The following LRP1B variants were observed in gnomAD, a reference collection of about 807,000 sequenced individuals.
LRP1B encodes LDL receptor related protein 1B.
LRP1B carries 217 observed loss-of-function variants against 556.6 expected under a neutral mutation model. The ratio of observed to expected loss-of-function variants is 0.39; its 90% CI spans 0.35 to 0.44. The LOEUF is 0.44. Among genes scored for constraint, LRP1B ranks in the 20% least tolerant of loss-of-function variants. LRP1B has a pLI of 1.00. For synonymous variants in LRP1B, 2,047 were observed against 1,865.8 expected, an observed-to-expected ratio of 1.10 and a Z score of -2.50; for missense variants, 5,053 against 5,620.8, an observed-to-expected ratio of 0.90 and a Z score of 3.23.
At chr2:141,540,165 T>C (rs1427814609) in intron 2 of LRP1B, among the ~76,000 whole-genome samples, 1 of 152,062 alleles carries the variant, frequency 6.6e-6, no homozygotes, top group Admixed American at 6.6e-5. Context: ...AGATGGAGAA[T>C]TTGAGATTGA....
chr2:141,184,876 C>A (rs1326108572), intron 7 of LRP1B, among the ~76,000 whole-genome samples: 1 of 151,058 alleles, frequency 6.6e-6, no homozygotes, highest in Non-Finnish European at 1.5e-5. Flanking sequence ...CATTTTTTTT[C>A]TTATTTTCTC....
chr2:141,169,335 T>TAAAG (rs529487387), intron 7 of LRP1B, among the ~76,000 whole-genome samples: 51 of 128,508 alleles, frequency 4.0e-4, no homozygotes, highest in African/African-American at 1.3e-3. Flanking sequence ...AATAAATAAA[T>TAAAG]AAAGAAGAGA....
Position 141,288,441 on chromosome 2 carries a change from G to C in LRP1B, c.344-33800C>G, listed in dbSNP as rs150939188. On this transcript the variant is annotated intron_variant, in intron 3 of 90. Coordinates refer to ENST00000389484, the MANE Select transcript of LRP1B (RefSeq NM_018557.3). The stretch of plus-strand genomic sequence containing the variant: ...TCTATTAAAATTCCAAATAAGTAAA[G>C]TGAGACAAGAAAACACAAGAGAAAA... 3.4e-3 allele frequency among the ~76,000 whole-genome samples: 514 copies of C among 152,054 alleles called. 3 individuals are homozygous for C. Among genetic ancestry groups the C allele is most frequent in the African/African-American group, 0.012 (489 of 41,494 alleles).
intron 72 of LRP1B, among the ~76,000 whole-genome samples, chr2:140,364,330 C>G (rs1352089587): frequency 1.3e-5 from 2 of 151,392 alleles, no homozygotes; most frequent in African/African-American, 2.4e-5. Flanking sequence ...TTAACCTAAA[C>G]TCCAATTTGA....
chr2:141,923,631 C>T (rs780445790), intron 1 of LRP1B, among the ~76,000 whole-genome samples: 2 of 150,898 alleles, frequency 1.3e-5, no homozygotes, highest in Non-Finnish European at 2.9e-5. Context: ...AGCATACATT[C>T]TTTAAGAGTA....
At chr2:141,765,187 AGATCC>A (rs1694695697) in intron 2 of LRP1B, among the ~76,000 whole-genome samples, 1 of 152,246 alleles carries the variant, frequency 6.6e-6, no homozygotes, top group East Asian at 1.9e-4. Context: ...AGAGAAGCAG[AGATCC>A]GTAAACAGTG....
intron 84 of LRP1B, among the ~76,000 whole-genome samples, chr2:140,291,320 T>TATATATATATATATATATATAGATATATA (rs745524571): frequency 1.9e-5 from 1 of 51,856 alleles, no homozygotes; most frequent in Admixed American, 2.7e-4. Flanking sequence ...ATATATATAT[T>TATATATATATATATATATATAGATATATA]TTTATTATAC....
intron 7 of LRP1B, among the ~76,000 whole-genome samples, chr2:141,149,962 A>G (rs1246058734): frequency 1.3e-5 from 2 of 152,188 alleles, no homozygotes; most frequent in East Asian, 1.9e-4. Flanking sequence ...GTCTCTCACA[A>G]ATCTATTTAG....
At position 140,636,294 on chromosome 2, in the gene LRP1B, A is replaced by T. The variant is rs936163880; in HGVS notation, c.6800-34655T>A. ...CCCGTGGTAGATTATGTATAGTAGC[A>T]TGGCATGCATTATACAATTAATTCA... is the stretch of plus-strand genomic sequence containing the variant. On this transcript the variant is annotated intron_variant, in intron 41 of 90. Transcript: ENST00000389484. Among the ~76,000 whole-genome samples the T allele has an allele frequency of 2.6e-5, 4 of 152,144 alleles. No individual in the cohort carries two copies. The East Asian group carries it at 7.7e-4, about 29-fold the overall frequency.
At chr2:141,263,473 T>G (rs1684775409) in intron 3 of LRP1B, among the ~76,000 whole-genome samples, 1 of 152,034 alleles carries the variant, frequency 6.6e-6, no homozygotes, top group African/African-American at 2.4e-5. Context: ...AAACATATAA[T>G]CTGAATATCC....
At chr2:141,233,170 T>C (rs1683533624) in intron 5 of LRP1B, among the ~76,000 whole-genome samples, 1 of 152,220 alleles carries the variant, frequency 6.6e-6, no homozygotes, top group African/African-American at 2.4e-5. Flanking sequence ...GTCAAAGGGA[T>C]ACCTGTGTCA....
At position 141,798,572 on chromosome 2, in the gene LRP1B, T is replaced by G. The variant is rs570079003; in HGVS notation, c.205+11707A>C. On this transcript the variant is annotated intron_variant, in intron 2 of 90. Coordinates refer to ENST00000389484, the MANE Select transcript of LRP1B (RefSeq NM_018557.3). ...AAATACAAAAATTAGCTGGGCGTGG[T>G]GGTGGGTGCCTGTAGTCCCAGCTAC... 6.6e-5 allele frequency among the ~76,000 whole-genome samples: 10 copies of G among 151,476 alleles called. No individual in the cohort carries two copies. The South Asian group carries it at 2.1e-3, about 32-fold the overall frequency.
At chr2:140,493,072 A>G (rs1416101874) in intron 56 of LRP1B, among the ~76,000 whole-genome samples, 1 of 152,208 alleles carries the variant, frequency 6.6e-6, no homozygotes, top group African/African-American at 2.4e-5. Flanking sequence ...TCTTATGATC[A>G]GAAATTTTTT....
chr2:141,289,478 A>C (rs1685860600), intron 3 of LRP1B, among the ~76,000 whole-genome samples: 1 of 151,872 alleles, frequency 6.6e-6, no homozygotes, highest in Non-Finnish European at 1.5e-5. Context: ...ATGGTACTGG[A>C]ATATATAATA....
At chr2:141,304,268 A>G (rs1159937582) in intron 3 of LRP1B, among the ~76,000 whole-genome samples, 2 of 151,978 alleles carry the variant, frequency 1.3e-5, no homozygotes, top group African/African-American at 2.4e-5. Flanking sequence ...TTTTCATTTA[A>G]TATGTCCTGT....
At chr2:140,489,009 A>G (rs1278485432) in intron 57 of LRP1B, among the ~76,000 whole-genome samples, 1 of 152,068 alleles carries the variant, frequency 6.6e-6, no homozygotes, top group Admixed American at 6.6e-5. Flanking sequence ...TTAGATTTAA[A>G]TAGTTCTTTG....
chr2:140,632,078 T>A, intron 41 of LRP1B, among the ~76,000 whole-genome samples: 1 of 152,090 alleles, frequency 6.6e-6, no homozygotes, highest in East Asian at 1.9e-4. Flanking sequence ...GAAGAATAAA[T>A]AAAAACTTTC....
At chr2:141,956,655 C>A (rs773436880) in intron 1 of LRP1B, among the ~76,000 whole-genome samples, 11 of 151,984 alleles carry the variant, frequency 7.2e-5, no homozygotes, top group Non-Finnish European at 1.6e-4. Flanking sequence ...ATGTATATGG[C>A]TTTTCCTCCC....
At chr2:141,169,440 G>A (rs930204467) in intron 7 of LRP1B, among the ~76,000 whole-genome samples, 2 of 151,878 alleles carry the variant, frequency 1.3e-5, no homozygotes, top group Non-Finnish European at 2.9e-5. Flanking sequence ...TACTAGAGGT[G>A]TCCCAAAATT....
Sources: allele counts gnomAD v4.1 joint callset (sites outside exome capture counted in the v4.1 genomes callset), GRCh38; gene constraint gnomAD v4.1.1; transcripts MANE v1.5; gene names NCBI Gene and HGNC (gene_info 2026-07-23, HGNC 2026-07-21).